DENND5A: variants seen among roughly 807,000 people sequenced by gnomAD.
DENND5A encodes DENN domain containing 5A, also known as DENN domain-containing protein 5A.
A neutral mutation model predicts 140.3 loss-of-function variants in DENND5A; 64 were observed. The ratio of observed to expected loss-of-function variants is 0.46; its 90% CI spans 0.37 to 0.56. DENND5A has a LOEUF of 0.56. Ranked by LOEUF, DENND5A falls within the 20% of genes least tolerant of loss-of-function variation. The pLI is 0.00. For missense variants in DENND5A, 1,292 were observed against 1,593.8 expected (o/e 0.81, Z 3.22); for synonymous variants, 605 against 607.7 (o/e 1.00, Z 0.07).
chr11:9,156,303 C>T (rs554305830), intron 12 of DENND5A, among the ~76,000 whole-genome samples: 1 of 152,116 alleles, frequency 6.6e-6, no homozygotes, highest in Non-Finnish European at 1.5e-5. Context: ...CTCCAAAAGC[C>T]AGGACTCAGA....
chr11:9,203,812 T>G lies in DENND5A; in HGVS notation c.797A>C (p.Tyr266Ser). 1 of 1,614,136 alleles carries G rather than the reference T, an allele frequency of 6.2e-7. No individual in the cohort carries two copies. The highest frequency in any genetic ancestry group is 1.1e-5 in the South Asian group (1 of 91,078). The change falls in exon 4 of 23, where the codon TAT (tyrosine) becomes TCT (serine). Residue 266 changes from tyrosine (Y) to serine (S), a missense_variant. Around this residue, in one of 4 missense-constraint regions of DENND5A, gnomAD observed 566 missense variants for 650.4 expected, o/e 0.87. Transcript: ENST00000328194. ...TGGTCTCTGGCAGATTATTGGCCCA[T>G]AGACCCCAGAAAACTTCAAGGACCG... is the stretch of plus-strand genomic sequence containing the variant. Reference protein sequence around the residue: ...PGRSLKFSGVYGPIICQRPST... With the variant: ...PGRSLKFSGVSGPIICQRPST...
intron 1 of DENND5A, among the ~76,000 whole-genome samples, chr11:9,237,117 T>C (rs1338783009): frequency 6.6e-6 from 1 of 152,100 alleles, no homozygotes; most frequent in Non-Finnish European, 1.5e-5. Flanking sequence ...TAAATTCAGA[T>C]TAAAACAAGA....
chr11:9,174,102 C>CAAAAAAAAAAAAAAA lies in DENND5A; in HGVS notation c.1907-3340_1907-3326dup, dbSNP rs57703622. On this transcript the variant is annotated intron_variant, in intron 8 of 22. Transcript: ENST00000328194. Reference sequence around the variant, plus strand: ...TGGGCGATAGAGCAAGACTCCGTCTCAAAAAAAAAAAAAAAAAAAAAAAAA... The same window carrying CAAAAAAAAAAAAAAA: ...TGGGCGATAGAGCAAGACTCCGTCTCAAAAAAAAAAAAAAAAAAAAAAAAAAAAAAAAAAAAAAAA... Among the ~76,000 whole-genome samples, 26 of 42,148 alleles carry CAAAAAAAAAAAAAAA rather than the reference C, an allele frequency of 6.2e-4. 2 individuals carry two copies. Among genetic ancestry groups the CAAAAAAAAAAAAAAA allele is most frequent in the South Asian group, 1.4e-3 (1 of 732 alleles). The allele number at this position is 42,148 out of a possible 152,430, so 27.7% of individuals were successfully genotyped here.
chr11:9,170,462 A>T (rs1848332738), intron 9 of DENND5A, among the ~76,000 whole-genome samples, 165 bp downstream of exon 9: 1 of 152,142 alleles, frequency 6.6e-6, no homozygotes, highest in Non-Finnish European at 1.5e-5. Context: ...ATTCTGTCAC[A>T]TACTTTCTTG....
chr11:9,248,589 G>A (rs1438482234), intron 1 of DENND5A, among the ~76,000 whole-genome samples: 1 of 151,986 alleles, frequency 6.6e-6, no homozygotes, highest in African/African-American at 2.4e-5. Flanking sequence ...GGGAGGTCTA[G>A]GCTGAACTGC....
intron 1 of DENND5A, among the ~76,000 whole-genome samples, chr11:9,220,757 G>T (rs1216077353): frequency 2.0e-5 from 3 of 152,066 alleles, no homozygotes; most frequent in Non-Finnish European, 4.4e-5. Context: ...GCCAGGCATG[G>T]TGGTGGGTAC....
At chr11:9,219,334 G>T (rs1334891996) in intron 1 of DENND5A, among the ~76,000 whole-genome samples, 1 of 152,018 alleles carries the variant, frequency 6.6e-6, no homozygotes, top group Non-Finnish European at 1.5e-5. Flanking sequence ...ATTTACCAAG[G>T]AAAGATATCT....
In DENND5A at chr11:9,145,688, C is replaced by A. The variant is rs965015527; in HGVS notation, c.2985G>T (p.Val995=). ...CACATACCTCGAAGGTCATCTCTAG[C>A]ACATTCCTGGGAATCTGCATGATCT... The part of the protein sequence containing the change: ...ETQIMQIPRN[V]LEMTFECQNL... Residue 995 remains valine, a synonymous_variant, in exon 17 of 23, where the codon GTG becomes GTT. Coordinates refer to ENST00000328194, the MANE Select transcript of DENND5A (RefSeq NM_015213.4). 10 of 1,614,112 alleles carry A rather than the reference C, an allele frequency of 6.2e-6. No individual in the cohort carries two copies. Among genetic ancestry groups the A allele is most frequent in the Non-Finnish European group, 8.5e-6 (10 of 1,180,044 alleles).
intron 1 of DENND5A, among the ~76,000 whole-genome samples, chr11:9,255,972 G>A (rs1017053731): frequency 2.0e-5 from 3 of 150,260 alleles, no homozygotes; most frequent in Non-Finnish European, 1.5e-5. Context: ...GTTGCAGTAA[G>A]CCAAGATCGC....
At chr11:9,168,827 C>T (rs1358477829) in intron 10 of DENND5A, among the ~76,000 whole-genome samples, 2 of 152,160 alleles carry the variant, frequency 1.3e-5, no homozygotes, top group African/African-American at 4.8e-5. Flanking sequence ...ATGAAAATTA[C>T]AGGGTCTTTT....
At chr11:9,223,956 C>A (rs1004064228) in intron 1 of DENND5A, among the ~76,000 whole-genome samples, 21 of 152,152 alleles carry the variant, frequency 1.4e-4, no homozygotes, top group African/African-American at 4.6e-4. Context: ...CTTTGGGAGG[C>A]CGCAGTGGGC....
rs59297086 is a variant in DENND5A at position 9,169,495 on chromosome 11, G to GCACACACACACA, written c.2151+349_2151+360dup. ...ATTAACTTTTTTCCTATATACACAC[G>GCACACACACACA]CACACACACACACACACACACACAC... On this transcript the variant is annotated intron_variant, in intron 10 of 22. Coordinates refer to ENST00000328194, the MANE Select transcript of DENND5A (RefSeq NM_015213.4). Among the ~76,000 whole-genome samples the GCACACACACACA allele has an allele frequency of 4.0e-3, 577 of 145,794 alleles. 4 individuals carry two copies. Among genetic ancestry groups the GCACACACACACA allele is most frequent in the African/African-American group, 0.014 (553 of 39,686 alleles).
rs57906162 is a variant in DENND5A, at chr11:9,228,313, G to C, written c.110-20681C>G. Among the ~76,000 whole-genome samples the C allele has an allele frequency of 3.7e-3, 569 of 152,172 alleles. 6 individuals carry two copies. The highest frequency in any genetic ancestry group is 0.013 in the African/African-American group (549 of 41,518). Reference sequence around the variant, plus strand: ...GCTTAAGGATGGTGGCTGGTCACCAGAAAGACCAAGGATGATTACAGGATT... The same window carrying C: ...GCTTAAGGATGGTGGCTGGTCACCACAAAGACCAAGGATGATTACAGGATT... On this transcript the variant is annotated intron_variant, in intron 1 of 22. Coordinates refer to ENST00000328194, the MANE Select transcript of DENND5A (RefSeq NM_015213.4).
intron 5 of DENND5A, among the ~76,000 whole-genome samples, chr11:9,188,991 A>C (rs1176103313): frequency 6.6e-6 from 1 of 152,270 alleles, no homozygotes; most frequent in Non-Finnish European, 1.5e-5. Flanking sequence ...AGCATATCAG[A>C]GGTCTTCACG....
At chr11:9,255,447 G>A (rs888076076) in intron 1 of DENND5A, among the ~76,000 whole-genome samples, 9 of 152,014 alleles carry the variant, frequency 5.9e-5, no homozygotes, top group African/African-American at 2.2e-4. Context: ...AAATTAGTCG[G>A]GCAGCCAGGT....
At chr11:9,164,151 C>G (rs888774770) in intron 11 of DENND5A, among the ~76,000 whole-genome samples, 1 of 135,630 alleles carries the variant, frequency 7.4e-6, no homozygotes, top group Admixed American at 8.1e-5. Flanking sequence ...CTACCTCAGC[C>G]CACCAAAGTA....
At chr11:9,219,199 C>T (rs1011108427) in intron 1 of DENND5A, among the ~76,000 whole-genome samples, 1 of 152,022 alleles carries the variant, frequency 6.6e-6, no homozygotes, top group Non-Finnish European at 1.5e-5. Flanking sequence ...AACTTCCAAA[C>T]TGAAAGTGCT....
At chr11:9,246,266 T>C (rs1382645098) in intron 1 of DENND5A, among the ~76,000 whole-genome samples, 1 of 152,076 alleles carries the variant, frequency 6.6e-6, no homozygotes. Flanking sequence ...GAGCTGTCTT[T>C]CAGAAATTCA....
chr11:9,207,271 A>T, intron 2 of DENND5A: 1 of 494,412 alleles, frequency 2.0e-6, no homozygotes, highest in Non-Finnish European at 3.6e-6. Context: ...TTCAGGGTAA[A>T]TCTAATGAGA....
Sources: gnomAD v4.1 joint callset for allele counts (sites outside exome capture counted in the v4.1 genomes callset) on GRCh38, gnomAD v4.1.1 for gene constraint, gnomAD v4.1.1 regional missense constraint, MANE v1.5 for transcripts, NCBI Gene and HGNC (gene_info 2026-07-23, HGNC 2026-07-21) for gene names.